The following PCDHGA2 variants were observed in gnomAD, a reference collection of about 807,000 sequenced individuals.
PCDHGA2 encodes protocadherin gamma-A2.
PCDHGA2 carries 40 observed loss-of-function variants against 59.2 expected under a neutral mutation model. The observed-to-expected ratio is 0.68, with a 90% confidence interval of 0.52 to 0.88. The LOEUF (loss-of-function observed/expected upper bound fraction) is 0.88. PCDHGA2 is among the 40% of genes least tolerant of loss of function. PCDHGA2 has a pLI of 0.00. For missense variants in PCDHGA2, 1,226 were observed against 1,204.0 expected (o/e 1.02, Z -0.27); for synonymous variants, 560 against 526.0 (o/e 1.06, Z -0.89).
chr5:141,354,886 C>G (rs1759661341), intron 1 of PCDHGA2: 1 of 380,350 alleles, frequency 2.6e-6, no homozygotes, highest in Non-Finnish European at 4.6e-6. Flanking sequence ...ACTTTATTAT[C>G]TTGGGAGAAA....
At chr5:141,423,140 C>T (rs760216287) in intron 1 of PCDHGA2, 7 of 1,613,498 alleles carry the variant, frequency 4.3e-6, no homozygotes, top group Non-Finnish European at 2.5e-6. Flanking sequence ...GACAGAGACG[C>T]GCTCAAGCAG....
chr5:141,357,607 G>C lies in PCDHGA2; in HGVS notation c.2424+16212G>C, dbSNP rs771677698. 16 of 1,613,832 alleles carry C rather than the reference G, an allele frequency of 9.9e-6. No homozygotes were observed. The Admixed American group carries it at 2.7e-4, about 27-fold the overall frequency. ...TCAGGATTTACTTGAAACAAAAGGA[G>C]ACCCTAATCTTCAGGTGAGTCAATC... On this transcript the variant is annotated intron_variant, in intron 1 of 3. Coordinates refer to ENST00000394576, the MANE Select transcript of PCDHGA2 (RefSeq NM_018915.4).
intron 1 of PCDHGA2, chr5:141,376,743 G>A (rs894394205): frequency 9.7e-5 from 48 of 493,300 alleles, no homozygotes; most frequent in Non-Finnish European, 1.5e-4. Flanking sequence ...GCGGACTGCA[G>A]TGGCGCAATC....
intron 1 of PCDHGA2, chr5:141,419,971 C>T (rs1254783575): frequency 1.2e-6 from 2 of 1,613,942 alleles, no homozygotes; most frequent in African/African-American, 2.7e-5. Context: ...TGCTCTTTCT[C>T]CTCGCGGTGA....
intron 1 of PCDHGA2, chr5:141,371,841 C>T: frequency 6.2e-7 from 1 of 1,613,716 alleles, no homozygotes; most frequent in Non-Finnish European, 8.5e-7. Context: ...CGACTTGGGA[C>T]CTAATGGCCT....
chr5:141,350,915 C>T (rs775693416), intron 1 of PCDHGA2: 3 of 1,614,100 alleles, frequency 1.9e-6, no homozygotes, highest in East Asian at 2.2e-5. Flanking sequence ...GGACCCGCCT[C>T]TAAGCGGCAC....
At chr5:141,408,990 AAGTGAC>A (rs769374488) in intron 1 of PCDHGA2, 2 of 1,613,984 alleles carry the variant, frequency 1.2e-6, no homozygotes, top group Non-Finnish European at 1.7e-6. Flanking sequence ...CCTGTGTTGC[AAGTGAC>A]AGCCACTGAC....
In PCDHGA2 at chr5:141,489,353, A is replaced by G. The variant is rs1423278514; in HGVS notation, c.2425-5454A>G. 3.7e-6 allele frequency: 6 copies of G among 1,612,316 alleles called. No homozygotes were observed. In the African/African-American group the frequency reaches 6.7e-5, roughly 18 times the overall value. ...CAGCTTCGTTACTCAGTGGTGGAGG[A>G]GTCTGAGCCGGGGACGCTGGTGGGG... On this transcript the variant is annotated intron_variant, in intron 1 of 3. Transcript: ENST00000394576. This position sits in a 1 kb window ranked among gnomAD's most constrained non-coding sequence, Gnocchi z 4.5.
At chr5:141,346,230 G>C in intron 1 of PCDHGA2, 1 of 1,614,176 alleles carries the variant, frequency 6.2e-7, no homozygotes, top group South Asian at 1.1e-5. Flanking sequence ...AGGCGGCTTG[G>C]CGAGTACGCC....
At chr5:141,484,899 T>G (rs1296997337) in intron 1 of PCDHGA2, 9 of 398,498 alleles carry the variant, frequency 2.3e-5, no homozygotes, top group Non-Finnish European at 3.1e-5. Flanking sequence ...TCCCCTCCAA[T>G]GCTGCGACGC....
chr5:141,362,095 C>T (rs771113210), intron 1 of PCDHGA2: 36 of 1,613,738 alleles, frequency 2.2e-5, no homozygotes, highest in Non-Finnish European at 7.6e-6. Flanking sequence ...ACAGCCGCCA[C>T]TCTCCGCTAC....
At chr5:141,408,956 A>G in intron 1 of PCDHGA2, 1 of 1,613,714 alleles carries the variant, frequency 6.2e-7, no homozygotes, top group Non-Finnish European at 8.5e-7. Flanking sequence ...AATTAGTCTT[A>G]GTGAAAATCT....
intron 3 of PCDHGA2, among the ~76,000 whole-genome samples, chr5:141,510,354 G>A (rs1311482557): frequency 2.1e-5 from 3 of 146,300 alleles, no homozygotes; most frequent in Non-Finnish European, 4.5e-5. Flanking sequence ...ACTTACTAAC[G>A]GAACTACCGA....
Position 141,486,734 on chromosome 5 carries a change from C to A in PCDHGA2, c.2425-8073C>A. ...CCAGACAGGAGCTGTTCATGCTACT[C>A]GATCCTTTGACTATGAGCAAACCCA... On this transcript the variant is annotated intron_variant, in intron 1 of 3. Transcript: ENST00000394576. The surrounding 1 kb of genome is among the most constrained non-coding windows in gnomAD (Gnocchi z 5.0). The A allele has an allele frequency of 1.2e-6, 2 of 1,614,188 alleles. No homozygotes were observed. Among genetic ancestry groups the A allele is most frequent in the Non-Finnish European group, 1.7e-6 (2 of 1,180,040 alleles).
Position 141,511,502 on chromosome 5 carries a change from A to C in PCDHGA2, c.*329A>C. The C allele has an allele frequency of 2.0e-5, 8 of 395,260 alleles. No individual in the cohort carries two copies. The highest frequency in any genetic ancestry group is 4.1e-5 in the African/African-American group (2 of 48,892). The allele number at this position is 395,260 out of a possible 1,614,324, so 24.5% of individuals were successfully genotyped here. A position where few individuals can be genotyped will look rare whatever the true frequency, so the allele number is the denominator to read the frequency against. ...CTGAACTCCTCCATCTTCCAAATCA[A>C]TCAGGCCCATCCATCCCATGCCTCC... On this transcript the variant is annotated 3_prime_UTR_variant, in exon 4 of 4. Transcript: ENST00000394576.
rs773474154 is a variant in PCDHGA2, at chr5:141,477,751, G to A, written c.2425-17056G>A. The A allele has an allele frequency of 5.0e-6, 8 of 1,613,712 alleles. No individual in the cohort carries two copies. The highest frequency in any genetic ancestry group is 6.8e-6 in the Non-Finnish European group (8 of 1,180,030). ...CTCATATCAGCGATGGGGGCACCCC[G>A]GTCCTAGCCACCAACATCAGCGTGA... On this transcript the variant is annotated intron_variant, in intron 1 of 3. Transcript: ENST00000394576. The surrounding 1 kb of genome is among the most constrained non-coding windows in gnomAD (Gnocchi z 4.9).
At chr5:141,507,003 G>A (rs569257489) in intron 3 of PCDHGA2, 3 of 152,342 alleles carry the variant, frequency 2.0e-5, no homozygotes, top group African/African-American at 7.2e-5. Context: ...CGACAGATGA[G>A]AGAACCGAGA....
intron 1 of PCDHGA2, chr5:141,346,357 A>G (rs1362620626): frequency 2.5e-6 from 4 of 1,614,080 alleles, no homozygotes; most frequent in Middle Eastern, 3.3e-4. Context: ...CAGCCCAACT[A>G]TGCGGACACG....
At chr5:141,408,226 GCGCCGGGCCGGCC>G (rs2095062452) in intron 1 of PCDHGA2, 1 of 1,562,288 alleles carries the variant, frequency 6.4e-7, no homozygotes, top group South Asian at 1.2e-5. Flanking sequence ...GCGCGCAGAG[GCGCCGGGCCGGCC>G]CGCGGCAGGT....
Sources: allele counts gnomAD v4.1 joint callset (sites outside exome capture counted in the v4.1 genomes callset), GRCh38; gene constraint gnomAD v4.1.1; non-coding constraint Gnocchi (gnomAD v3.1); transcripts MANE v1.5; gene names NCBI Gene and HGNC (gene_info 2026-07-23, HGNC 2026-07-21).